The following LRRTM4 variants were observed in gnomAD, a reference collection of about 807,000 sequenced individuals.
LRRTM4 encodes leucine rich repeat transmembrane neuronal 4.
In LRRTM4, 25 loss-of-function variants were observed where a neutral mutation model predicts 47.6. That is an observed-to-expected ratio of 0.53 (90% CI 0.38 to 0.73). LRRTM4 has a LOEUF of 0.73. Among genes scored for constraint, LRRTM4 ranks in the 30% least tolerant of loss-of-function variants. The pLI, the probability that LRRTM4 is intolerant of heterozygous loss-of-function variation, is 0.00. For synonymous variants in LRRTM4, 311 were observed against 269.5 expected, an observed-to-expected ratio of 1.15 and a Z score of -1.51; for missense variants, 638 against 713.4, an observed-to-expected ratio of 0.89 and a Z score of 1.20.
At chr2:77,384,424 G>A (rs1324202754) in intron 3 of LRRTM4, among the ~76,000 whole-genome samples, 3 of 151,636 alleles carry the variant, frequency 2.0e-5, no homozygotes. Context: ...GATATTATAA[G>A]AAATAAGAAA....
At chr2:76,897,619 G>C (rs1673467182) in intron 3 of LRRTM4, among the ~76,000 whole-genome samples, 2 of 152,146 alleles carry the variant, frequency 1.3e-5, no homozygotes, top group Admixed American at 1.3e-4. Context: ...AGCCGTTATA[G>C]CTGTTGTCAT....
intron 3 of LRRTM4, among the ~76,000 whole-genome samples, chr2:76,867,459 C>A (rs1400112528): frequency 5.9e-5 from 9 of 152,106 alleles, no homozygotes; most frequent in Admixed American, 5.9e-4. Context: ...AATATCTTTG[C>A]TGTTTATTTC....
intron 3 of LRRTM4, among the ~76,000 whole-genome samples, chr2:77,025,368 G>A (rs1249255657): frequency 2.0e-5 from 3 of 152,036 alleles, no homozygotes; most frequent in African/African-American, 7.2e-5. Flanking sequence ...TATTCCTAAT[G>A]AGCACAGGAA....
At chr2:76,863,315 A>T (rs1672373185) in intron 3 of LRRTM4, among the ~76,000 whole-genome samples, 1 of 152,232 alleles carries the variant, frequency 6.6e-6, no homozygotes, top group African/African-American at 2.4e-5. Context: ...ATTTGAGGAA[A>T]GTATTTCCTC....
rs532714483 is a variant in LRRTM4, at chr2:77,479,406, C to T, written c.1551+38912G>A. On this transcript the variant is annotated intron_variant, in intron 3 of 3. Transcript: ENST00000409884. ...TTTTCTGTTAACAAAGTACATCTGACAAAAAAAGATCAAACAGTCAGTCCA... is the reference window on the plus strand; with the variant it reads ...TTTTCTGTTAACAAAGTACATCTGATAAAAAAAGATCAAACAGTCAGTCCA... Among the ~76,000 whole-genome samples, 3 of 152,110 alleles carry T rather than the reference C, an allele frequency of 2.0e-5. No homozygotes were observed. The East Asian group carries it at 5.8e-4, about 29-fold the overall frequency.
chr2:77,480,822 G>GTGGAGAGAGAGAGAGAGA (rs1222517611), intron 3 of LRRTM4, among the ~76,000 whole-genome samples: 2 of 74,520 alleles, frequency 2.7e-5, no homozygotes, highest in Admixed American at 1.6e-4. Context: ...GTGTGTGTGT[G>GTGGAGAGAGAGAGAGAGA]GAGAGAGAGA....
chr2:77,351,832 G>A (rs1298314958), intron 3 of LRRTM4, among the ~76,000 whole-genome samples: 1 of 151,366 alleles, frequency 6.6e-6, no homozygotes. Flanking sequence ...TTTTTTTCCT[G>A]TGTGTGTGTG....
intron 3 of LRRTM4, among the ~76,000 whole-genome samples, chr2:76,763,895 A>G (rs561345432): frequency 6.6e-6 from 1 of 152,336 alleles, no homozygotes; most frequent in South Asian, 2.1e-4. Context: ...TATTATATAT[A>G]TTCTTTTTAG....
chr2:76,751,585 C>T (rs865874449), intron 3 of LRRTM4, among the ~76,000 whole-genome samples: 6 of 152,028 alleles, frequency 3.9e-5, no homozygotes, highest in Admixed American at 1.3e-4. Flanking sequence ...GCTCTAATCT[C>T]CCTCACCCCA....
chr2:76,805,706 A>G (rs530943473), intron 3 of LRRTM4, among the ~76,000 whole-genome samples: 65 of 152,338 alleles, frequency 4.3e-4, no homozygotes, highest in African/African-American at 1.5e-3. Context: ...CATACCATGT[A>G]TGAAGCAGTA....
chr2:77,043,303 G>T (rs143940853), intron 3 of LRRTM4, among the ~76,000 whole-genome samples: 6 of 151,858 alleles, frequency 4.0e-5, no homozygotes, highest in African/African-American at 1.2e-4. Flanking sequence ...TTTCTTCAGC[G>T]TGCTTAAATT....
chr2:77,471,860 A>G (rs1033017512), intron 3 of LRRTM4, among the ~76,000 whole-genome samples: 1 of 152,164 alleles, frequency 6.6e-6, no homozygotes, highest in Non-Finnish European at 1.5e-5. Flanking sequence ...ACAGATGTAC[A>G]CACATATACA....
chr2:77,446,070 C>T lies in LRRTM4; in HGVS notation c.1551+72248G>A, dbSNP rs553107969. On this transcript the variant is annotated intron_variant, in intron 3 of 3. Transcript: ENST00000409884. ...ACTGATAGGTTATATAACGTAAGCACTTTCAAAATAACATTATCATCATAT... is the reference window on the plus strand; with the variant it reads ...ACTGATAGGTTATATAACGTAAGCATTTTCAAAATAACATTATCATCATAT... 1.4e-3 allele frequency among the ~76,000 whole-genome samples: 210 copies of T among 152,086 alleles called. 1 individual carries two copies. The highest frequency in any genetic ancestry group is 4.8e-3 in the African/African-American group (201 of 41,538).
At chr2:76,885,873 G>A (rs1673061279) in intron 3 of LRRTM4, among the ~76,000 whole-genome samples, 1 of 151,890 alleles carries the variant, frequency 6.6e-6, no homozygotes, top group Admixed American at 6.6e-5. Flanking sequence ...TGTACTTTAA[G>A]TTTTCCAGAT....
chr2:77,361,373 C>T (rs1375653573), intron 3 of LRRTM4, among the ~76,000 whole-genome samples: 1 of 152,098 alleles, frequency 6.6e-6, no homozygotes, highest in Non-Finnish European at 1.5e-5. Context: ...TAAACTCTAC[C>T]CCTTTTTAAA....
At chr2:76,803,800 G>A (rs1019283566) in intron 3 of LRRTM4, among the ~76,000 whole-genome samples, 3 of 152,106 alleles carry the variant, frequency 2.0e-5, no homozygotes, top group African/African-American at 7.2e-5. Context: ...AATAACAGTG[G>A]TTCACGGTCC....
At chr2:76,954,948 G>T (rs374200473) in intron 3 of LRRTM4, among the ~76,000 whole-genome samples, 1 of 151,502 alleles carries the variant, frequency 6.6e-6, no homozygotes, top group Non-Finnish European at 1.5e-5. Flanking sequence ...CAAAAAAACC[G>T]CCAGCCATAA....
chr2:76,890,231 G>C (rs1421569613), intron 3 of LRRTM4, among the ~76,000 whole-genome samples: 1 of 151,958 alleles, frequency 6.6e-6, no homozygotes, highest in Non-Finnish European at 1.5e-5. Flanking sequence ...GTCTAGCACT[G>C]AGTGTGAATT....
chr2:77,442,033 G>A (rs1675861906), intron 3 of LRRTM4, among the ~76,000 whole-genome samples: 1 of 152,112 alleles, frequency 6.6e-6, no homozygotes, highest in African/African-American at 2.4e-5. Flanking sequence ...AGGCAGAAGT[G>A]GAGTATTCTA....
Sources: allele counts gnomAD v4.1 joint callset (sites outside exome capture counted in the v4.1 genomes callset), GRCh38; gene constraint gnomAD v4.1.1; transcripts MANE v1.5; gene names NCBI Gene and HGNC (gene_info 2026-07-23, HGNC 2026-07-21).